The following LRSAM1 variants were observed in gnomAD, a reference collection of about 807,000 sequenced individuals.
The protein encoded by LRSAM1 is leucine rich repeat and sterile alpha motif containing 1.
LRSAM1 carries 96 observed loss-of-function variants against 118.1 expected under a neutral mutation model. The observed-to-expected ratio is 0.81, with a 90% CI of 0.69 to 0.96. The LOEUF (loss-of-function observed/expected upper bound fraction) is 0.96, where lower values mean the gene tolerates loss of function less well. Ranked by LOEUF, LRSAM1 falls within the 40% of genes least tolerant of loss-of-function variation. The probability of loss-of-function intolerance (pLI) is 0.00; values close to 1 mark genes in which losing one functional copy is unlikely to be tolerated. For synonymous variants in LRSAM1, 322 were observed against 364.2 expected, an observed-to-expected ratio of 0.88 and a Z score of 1.32; for missense variants, 804 against 915.5, an observed-to-expected ratio of 0.88 and a Z score of 1.57.
In LRSAM1 at chr9:127,489,468, G is replaced by C. The variant is rs751875555; in HGVS notation, c.1372G>C (p.Glu458Gln). The C allele has an allele frequency of 1.9e-6, 3 of 1,609,942 alleles. No individual in the cohort carries two copies. The South Asian group carries it at 3.3e-5, about 18-fold the overall frequency. ...QESAMQKAAFEALQVKKDLMH... is the reference protein window; with the variant it reads ...QESAMQKAAFQALQVKKDLMH... Reference sequence around the variant, plus strand: ...GAGCGCGATGCAGAAGGCTGCGTTCGAGGCACTCCAGGTGAAGAAAGACCT... The same window carrying C: ...GAGCGCGATGCAGAAGGCTGCGTTCCAGGCACTCCAGGTGAAGAAAGACCT... The change falls in exon 19 of 26, where the codon GAG becomes CAG. Residue 458 changes from glutamate to glutamine, a missense_variant. Physicochemically the swap from Glu to Gln is conservative, Grantham distance 29 (BLOSUM62 2). Transcript: ENST00000300417.
chr9:127,464,851 C>G (rs1834873794), intron 9 of LRSAM1, among the ~76,000 whole-genome samples: 1 of 152,010 alleles, frequency 6.6e-6, no homozygotes, highest in African/African-American at 2.4e-5. Context: ...CTATGTTGCC[C>G]AGCCTGGTCT....
chr9:127,496,768 C>A (rs991374352), intron 23 of LRSAM1, among the ~76,000 whole-genome samples: 2 of 152,188 alleles, frequency 1.3e-5, no homozygotes, highest in Admixed American at 6.5e-5. Flanking sequence ...CCTCCCTGGA[C>A]AGATGCAGAC....
At chr9:127,476,307 C>G (rs1477116588) in intron 11 of LRSAM1, among the ~76,000 whole-genome samples, 7 of 152,134 alleles carry the variant, frequency 4.6e-5, no homozygotes, top group African/African-American at 1.7e-4. Flanking sequence ...ATGGGCTAGT[C>G]TATTTCCATT....
chr9:127,467,861 T>C (rs1365767479), intron 10 of LRSAM1, 31 bp downstream of exon 10: 6 of 1,548,784 alleles, frequency 3.9e-6, no homozygotes, highest in Admixed American at 1.9e-5. Flanking sequence ...CCTCCCCTCA[T>C]TGAGGAACTA....
chr9:127,476,438 C>G (rs528909104), intron 11 of LRSAM1, among the ~76,000 whole-genome samples: 5 of 152,104 alleles, frequency 3.3e-5, no homozygotes, highest in East Asian at 1.9e-4. Flanking sequence ...GTCCCAGCTA[C>G]GAGGGAGGCT....
At chr9:127,478,408 G>A (rs1190206323) in intron 11 of LRSAM1, among the ~76,000 whole-genome samples, 1 of 152,196 alleles carries the variant, frequency 6.6e-6, no homozygotes, top group East Asian at 1.9e-4. Context: ...TCACACATTC[G>A]CCCCATTGGC....
chr9:127,453,228 C>T (rs1330487900), intron 2 of LRSAM1, among the ~76,000 whole-genome samples: 1 of 152,104 alleles, frequency 6.6e-6, no homozygotes, highest in Non-Finnish European at 1.5e-5. Flanking sequence ...ACTACAGGCG[C>T]ATATCACCAC....
At chr9:127,454,644 C>A in intron 3 of LRSAM1, 45 bp downstream of exon 3, 1 of 1,581,140 alleles carries the variant, frequency 6.3e-7, no homozygotes, top group Middle Eastern at 1.9e-4. Flanking sequence ...ATCTCCTCCT[C>A]GGTCCCCATG....
intron 16 of LRSAM1, among the ~76,000 whole-genome samples, chr9:127,484,007 T>C (rs1835633389): frequency 6.6e-6 from 1 of 152,162 alleles, no homozygotes; most frequent in Admixed American, 6.5e-5. Context: ...GTTGTACAAC[T>C]GCCACCACCA....
At chr9:127,489,321 C>T (rs1835842113) in intron 18 of LRSAM1, 123 bp from the exon 19 acceptor site, 1 of 1,147,268 alleles carries the variant, frequency 8.7e-7, no homozygotes, top group Non-Finnish European at 1.3e-6. Flanking sequence ...AATCTTCTCC[C>T]TCTCTCAGAA....
chr9:127,481,977 A>G (rs1588123029), intron 15 of LRSAM1, among the ~76,000 whole-genome samples: 1 of 151,964 alleles, frequency 6.6e-6, no homozygotes, highest in Non-Finnish European at 1.5e-5. Context: ...AAAAATCTAA[A>G]TTTCTGGAAA....
At chr9:127,488,324 C>T (rs560817910) in intron 18 of LRSAM1, among the ~76,000 whole-genome samples, 57 of 152,142 alleles carry the variant, frequency 3.7e-4, no homozygotes, top group Non-Finnish European at 6.2e-4. Context: ...TGCAGTGGTG[C>T]GATCTCGGCT....
chr9:127,501,087 C>T lies in LRSAM1; in HGVS notation c.1990C>T (p.Pro664Ser), dbSNP rs148846371. 6.2e-6 allele frequency: 10 copies of T among 1,613,820 alleles called. No individual in the cohort carries two copies. The African/African-American group carries it at 8.0e-5, about 13-fold the overall frequency. The change falls in exon 25 of 26, where the codon CCC becomes TCC. Residue 664 changes from proline to serine, a missense_variant. Physicochemically the swap from Pro to Ser is moderately conservative, Grantham distance 74. Transcript: ENST00000300417. ...EPPESVRPSA[P>S]PAELEVQASE... ...TCCTGAGTCTGTGAGGCCATCCGCT[C>T]CCCCTGCAGAGCTGGAGGTGCAGGC...
rs757208185 is a variant in LRSAM1, at chr9:127,495,380, C to T, written c.1660C>T (p.Arg554Trp). Residue 554 changes from arginine to tryptophan, a missense_variant, in exon 22 of 26, where the codon CGG (arginine) becomes TGG (tryptophan). Physicochemically the swap from Arg to Trp is moderately radical, Grantham distance 101 (BLOSUM62 -3). Coordinates refer to ENST00000300417, the MANE Select transcript of LRSAM1 (RefSeq NM_001005373.4). ...AAATTACTGGCTGATTCAGTATCAA[C>T]GGCTTTTGAACCAGAAGCCCTTGTC... ...QENYWLIQYQ[R>W]LLNQKPLSLK... 32 of 1,613,896 alleles carry T rather than the reference C, an allele frequency of 2.0e-5. No individual in the cohort carries two copies. The highest frequency in any genetic ancestry group is 4.5e-5 in the East Asian group (2 of 44,902).
intron 17 of LRSAM1, chr9:127,486,311 C>A: frequency 5.0e-6 from 1 of 201,046 alleles, no homozygotes; most frequent in Non-Finnish European, 1.0e-5. Context: ...GGGTGGGATG[C>A]CCTGGAAGGA....
At chr9:127,452,554 T>G (rs1834364468) in intron 2 of LRSAM1, among the ~76,000 whole-genome samples, 1 of 152,200 alleles carries the variant, frequency 6.6e-6, no homozygotes, top group Non-Finnish European at 1.5e-5. Context: ...CCTGAATCAA[T>G]GTTGCTTGCA....
At chr9:127,485,466 G>C (rs1018491802) in intron 16 of LRSAM1, among the ~76,000 whole-genome samples, 6 of 152,168 alleles carry the variant, frequency 3.9e-5, no homozygotes, top group Non-Finnish European at 7.3e-5. Context: ...CTGAGGAGGA[G>C]AATGGCGGGA....
chr9:127,484,734 C>G (rs993789456), intron 16 of LRSAM1, among the ~76,000 whole-genome samples: 1 of 151,836 alleles, frequency 6.6e-6, no homozygotes, highest in African/African-American at 2.4e-5. Context: ...ATGAATAATG[C>G]TACAAATGTG....
At chr9:127,464,418 AG>A (rs1159767922) in intron 9 of LRSAM1, among the ~76,000 whole-genome samples, 1 of 108,138 alleles carries the variant, frequency 9.2e-6, no homozygotes, top group Non-Finnish European at 1.8e-5. Flanking sequence ...GAGCACCTGG[AG>A]ACCGTGCTGT....
Sources: allele counts gnomAD v4.1 joint callset (sites outside exome capture counted in the v4.1 genomes callset), GRCh38; gene constraint gnomAD v4.1.1; transcripts MANE v1.5; gene names NCBI Gene and HGNC (gene_info 2026-07-23, HGNC 2026-07-21).